The following JMJD1C variants were observed in gnomAD, a reference collection of about 807,000 sequenced individuals.
JMJD1C encodes the protein jumonji domain-containing protein 1C.
Under a neutral mutation model 245.3 loss-of-function variants are expected in JMJD1C, and 31 were observed. That is an observed-to-expected ratio of 0.13 (90% confidence interval 0.09 to 0.17). JMJD1C has a LOEUF of 0.17. JMJD1C is among the 10% of genes least tolerant of loss of function. JMJD1C has a pLI of 1.00. For missense variants in JMJD1C, 2,691 were observed against 3,000.2 expected (o/e 0.90, Z 2.41); for synonymous variants, 1,057 against 1,017.4 (o/e 1.04, Z -0.74).
At chr10:63,380,587 T>C (rs1947134460) in intron 1 of JMJD1C, 105 bp from the exon 2 acceptor site, 1 of 772,648 alleles carries the variant, frequency 1.3e-6, no homozygotes. Flanking sequence ...ACATATGATA[T>C]CGTGATACAT....
chr10:63,320,983 T>G (rs1021263547), intron 2 of JMJD1C, among the ~76,000 whole-genome samples: 1 of 152,172 alleles, frequency 6.6e-6, no homozygotes, highest in Non-Finnish European at 1.5e-5. Flanking sequence ...TGATCAACAA[T>G]GGCCAATTAT....
intron 3 of JMJD1C, among the ~76,000 whole-genome samples, chr10:63,263,963 C>T (rs867931773): frequency 1.4e-4 from 8 of 58,152 alleles, no homozygotes; most frequent in African/African-American, 8.1e-4. Context: ...TACACATACA[C>T]ACACACACAC....
chr10:63,289,480 C>T (rs1183019332), intron 2 of JMJD1C, among the ~76,000 whole-genome samples: 1 of 152,056 alleles, frequency 6.6e-6, no homozygotes, highest in African/African-American at 2.4e-5. Context: ...ACTTAAACAC[C>T]TTTGGGAGTA....
chr10:63,255,170 G>T (rs557694743), intron 3 of JMJD1C, among the ~76,000 whole-genome samples: 315 of 152,222 alleles, frequency 2.1e-3, no homozygotes, highest in South Asian at 4.3e-3. Context: ...ACTATCACAA[G>T]CTGTGTGAAC....
intron 2 of JMJD1C, 187 bp downstream of exon 2, chr10:63,380,123 TGGTAGAGA>T: frequency 2.4e-6 from 1 of 415,410 alleles, no homozygotes; most frequent in South Asian, 2.9e-5. Flanking sequence ...TTTTTTTTTT[TGGTAGAGA>T]TGGGGTCTCG....
rs561583742 is a variant in JMJD1C at position 63,181,692 on chromosome 10, G to A, written c.7084+1755C>T. ...AATATGCTAGGAACAGAAGCTGGGG[G>A]ATATGCATAAACAAAGATGAGGAAG... On this transcript the variant is annotated intron_variant, in intron 22 of 25. Coordinates refer to ENST00000399262, the MANE Select transcript of JMJD1C (RefSeq NM_032776.3). 2.6e-5 allele frequency among the ~76,000 whole-genome samples: 4 copies of A among 152,306 alleles called. No individual in the cohort carries two copies. The East Asian group carries it at 5.8e-4, about 22-fold the overall frequency.
chr10:63,406,829 C>T (rs960174060), intron 1 of JMJD1C, among the ~76,000 whole-genome samples: 4 of 152,080 alleles, frequency 2.6e-5, no homozygotes, highest in Admixed American at 2.6e-4. Flanking sequence ...TCTATCATTA[C>T]ACTTCAGTCA....
intron 2 of JMJD1C, among the ~76,000 whole-genome samples, chr10:63,337,092 T>C (rs555763640): frequency 5.3e-4 from 80 of 151,822 alleles, no homozygotes; most frequent in African/African-American, 1.9e-3. Flanking sequence ...CCGTCCACCT[T>C]GGCCTCCCAA....
chr10:63,498,579 A>G (rs1228911625), intron 1 of JMJD1C, among the ~76,000 whole-genome samples: 1 of 152,020 alleles, frequency 6.6e-6, no homozygotes, highest in African/African-American at 2.4e-5. Context: ...TTAATGAGGT[A>G]AAAGTGTGGG....
intron 24 of JMJD1C, among the ~76,000 whole-genome samples, chr10:63,173,547 C>T (rs1043407878): frequency 6.6e-6 from 1 of 152,090 alleles, no homozygotes; most frequent in Non-Finnish European, 1.5e-5. Context: ...CACAGCAAGA[C>T]CCCATCTCCA....
chr10:63,242,464 G>A (rs1851603821), intron 3 of JMJD1C, among the ~76,000 whole-genome samples: 1 of 152,206 alleles, frequency 6.6e-6, no homozygotes, highest in African/African-American at 2.4e-5. Flanking sequence ...GCTCATACCT[G>A]TAATCCCAGC....
chr10:63,435,856 A>C (rs2132881477), intron 1 of JMJD1C, among the ~76,000 whole-genome samples: 1 of 152,288 alleles, frequency 6.6e-6, no homozygotes, highest in South Asian at 2.1e-4. Context: ...CCAAGATCGC[A>C]CCACTGCACT....
chr10:63,459,375 ATG>A (rs1403626453), intron 1 of JMJD1C, among the ~76,000 whole-genome samples: 1 of 152,236 alleles, frequency 6.6e-6, no homozygotes, highest in African/African-American at 2.4e-5. Flanking sequence ...TTTATGATAT[ATG>A]TGACCTAAAA....
chr10:63,381,700 ATTCT>A (rs1947233210), intron 1 of JMJD1C, among the ~76,000 whole-genome samples: 1 of 152,250 alleles, frequency 6.6e-6, no homozygotes, highest in African/African-American at 2.4e-5. Context: ...TAACAAATTC[ATTCT>A]TTAACTTAAC....
intron 3 of JMJD1C, among the ~76,000 whole-genome samples, chr10:63,260,596 CTA>C: frequency 6.6e-6 from 1 of 151,130 alleles, no homozygotes; most frequent in South Asian, 2.1e-4. Context: ...AAAAAAAAAA[CTA>C]TTTTTTTTTG....
At chr10:63,373,772 C>T (rs1014782225) in intron 2 of JMJD1C, among the ~76,000 whole-genome samples, 16 of 152,050 alleles carry the variant, frequency 1.1e-4, no homozygotes, top group Admixed American at 9.8e-4. Flanking sequence ...TATTTCATTA[C>T]GCTGTAGGAA....
At chr10:63,328,631 CT>C (rs1373667317) in intron 2 of JMJD1C, among the ~76,000 whole-genome samples, 3 of 152,154 alleles carry the variant, frequency 2.0e-5, no homozygotes, top group African/African-American at 7.2e-5. Context: ...ATGGGAACAA[CT>C]TTCATCTGAA....
At chr10:63,184,877 T>C (rs1843935589) in intron 20 of JMJD1C, 139 bp from the exon 21 acceptor site, 1 of 732,008 alleles carries the variant, frequency 1.4e-6, no homozygotes, top group Non-Finnish European at 2.2e-6. Context: ...ACTCAAGTGA[T>C]ACTGACTAAA....
chr10:63,334,403 A>G (rs1407299537), intron 2 of JMJD1C, among the ~76,000 whole-genome samples: 4 of 152,208 alleles, frequency 2.6e-5, no homozygotes, highest in Non-Finnish European at 5.9e-5. Context: ...TCTATATGTC[A>G]GGAATACACT....
Sources: gnomAD v4.1 joint callset for allele counts (sites outside exome capture counted in the v4.1 genomes callset) on GRCh38, gnomAD v4.1.1 for gene constraint, MANE v1.5 for transcripts, NCBI Gene and HGNC (gene_info 2026-07-23, HGNC 2026-07-21) for gene names.